PAX3: variants seen among roughly 807,000 people sequenced by gnomAD.
The protein encoded by PAX3 is paired box 3, also known as paired box protein Pax-3.
PAX3 carries 14 observed loss-of-function variants against 51.6 expected under a neutral mutation model. The observed-to-expected ratio is 0.27, with a 90% CI of 0.18 to 0.42. The LOEUF is 0.42. PAX3 is among the 10% of genes least tolerant of loss of function. The pLI is 1.00. For missense variants in PAX3, 540 were observed against 642.8 expected, an observed-to-expected ratio of 0.84 and a Z score of 1.73; for synonymous variants, 280 against 253.4, an observed-to-expected ratio of 1.11 and a Z score of -1.00.
At chr2:222,296,089 G>T (rs1695279404) in intron 2 of PAX3, among the ~76,000 whole-genome samples, 1 of 152,186 alleles carries the variant, frequency 6.6e-6, no homozygotes, top group Admixed American at 6.5e-5. Flanking sequence ...GGATATTTAT[G>T]CTAAAGTGAA....
At chr2:222,223,378 C>T (rs897106260) in intron 5 of PAX3, among the ~76,000 whole-genome samples, 2 of 152,142 alleles carry the variant, frequency 1.3e-5, no homozygotes, top group African/African-American at 2.4e-5. Context: ...TAATAAATTG[C>T]CACCTGGGGT....
At chr2:222,247,281 G>C (rs1489342734) in intron 4 of PAX3, among the ~76,000 whole-genome samples, 1 of 152,198 alleles carries the variant, frequency 6.6e-6, no homozygotes, top group Admixed American at 6.6e-5. Flanking sequence ...TCTGCACAGA[G>C]AGAGTGACAA....
At chr2:222,258,035 A>C (rs1693712700) in intron 4 of PAX3, among the ~76,000 whole-genome samples, 2 of 152,220 alleles carry the variant, frequency 1.3e-5, no homozygotes, top group Admixed American at 1.3e-4. Context: ...CCATTCTAAA[A>C]CTTAGTTTTC....
intron 4 of PAX3, among the ~76,000 whole-genome samples, chr2:222,252,423 G>A (rs191271491): frequency 5.1e-4 from 78 of 152,236 alleles, no homozygotes; most frequent in African/African-American, 1.8e-3. Context: ...GAAAAAACGA[G>A]GCTCAGAGAG....
In PAX3 at chr2:222,200,938, A is replaced by G; in HGVS notation, c.*470T>C. The G allele has an allele frequency of 1.8e-6, 1 of 569,916 alleles. No individual in the cohort carries two copies. The highest frequency in any genetic ancestry group is 2.1e-5 in the South Asian group (1 of 47,208). 35.3% of individuals were successfully genotyped at this position (569,916 alleles called of 1,614,324 possible). On this transcript the variant is annotated 3_prime_UTR_variant, in exon 9 of 9. Transcript: ENST00000392070. The stretch of plus-strand genomic sequence containing the variant: ...GAAATGAGCAGTTTTAAAGTTGTAG[A>G]AGTATCAGCATCGAACATCGACATG...
At chr2:222,207,897 C>T (rs1313208142) in intron 7 of PAX3, among the ~76,000 whole-genome samples, 1 of 151,544 alleles carries the variant, frequency 6.6e-6, no homozygotes, top group African/African-American at 2.4e-5. Context: ...TTTTAAAAAA[C>T]CATTGTGAAT....
chr2:222,252,562 T>G (rs1394266343), intron 4 of PAX3, among the ~76,000 whole-genome samples: 2 of 152,268 alleles, frequency 1.3e-5, no homozygotes, highest in East Asian at 3.9e-4. Flanking sequence ...AAGCCCATCA[T>G]CACTATCACC....
intron 4 of PAX3, among the ~76,000 whole-genome samples, chr2:222,265,347 T>C (rs1028197834): frequency 6.6e-6 from 1 of 152,190 alleles, no homozygotes; most frequent in Admixed American, 6.5e-5. Flanking sequence ...TGTTAGCCTC[T>C]TGTGTATCCT....
rs746742243 is a variant in PAX3, at chr2:222,232,056, A to T, written c.792+22T>A. On this transcript the variant is annotated intron_variant, in intron 5 of 8. Coordinates refer to ENST00000392070, the MANE Select transcript of PAX3 (RefSeq NM_181458.4). ...TTTCCTGTCTGGACTGAAGTAGGACACGGAGGTTTGGGCAACAGTACCTGT... is the reference window on the plus strand; with the variant it reads ...TTTCCTGTCTGGACTGAAGTAGGACTCGGAGGTTTGGGCAACAGTACCTGT... The T allele has an allele frequency of 8.1e-6, 13 of 1,608,876 alleles. No homozygotes were observed. The South Asian group carries it at 1.4e-4, about 18-fold the overall frequency.
chr2:222,221,019 A>T lies in PAX3; in HGVS notation c.958+203T>A, dbSNP rs567999664. On this transcript the variant is annotated intron_variant, in intron 6 of 8. Coordinates refer to ENST00000392070, the MANE Select transcript of PAX3 (RefSeq NM_181458.4). Reference sequence around the variant, plus strand: ...TAAAATACTGCAATTGAATTATATTACAGCACAGTTTATCTAGAGATATTC... The same window carrying T: ...TAAAATACTGCAATTGAATTATATTTCAGCACAGTTTATCTAGAGATATTC... Among the ~76,000 whole-genome samples the T allele has an allele frequency of 3.2e-3, 494 of 152,388 alleles. 8 individuals carry two copies. Among genetic ancestry groups the T allele is most frequent in the Non-Finnish European group, 4.0e-3 (272 of 68,038 alleles).
At chr2:222,261,092 C>T (rs1435070031) in intron 4 of PAX3, among the ~76,000 whole-genome samples, 1 of 152,162 alleles carries the variant, frequency 6.6e-6, no homozygotes, top group Admixed American at 6.5e-5. Flanking sequence ...CTATTCATCT[C>T]AATATACAGT....
At chr2:222,287,475 G>T (rs375195495) in intron 4 of PAX3, 2 of 152,324 alleles carry the variant, frequency 1.3e-5, no homozygotes, top group East Asian at 3.9e-4. Context: ...ACTAAGATCA[G>T]GCCCAACTTG....
chr2:222,279,861 T>C (rs1404772090), intron 4 of PAX3, among the ~76,000 whole-genome samples: 1 of 152,156 alleles, frequency 6.6e-6, no homozygotes, highest in Non-Finnish European at 1.5e-5. Flanking sequence ...TATTTTATAA[T>C]AAAGAAATGG....
At chr2:222,293,954 A>G (rs1695146320) in intron 4 of PAX3, 2 of 1,525,842 alleles carry the variant, frequency 1.3e-6, no homozygotes, top group African/African-American at 1.4e-5. Context: ...AAGATTTACA[A>G]AACAGAAAAA....
chr2:222,294,240 G>A lies in PAX3; in HGVS notation c.513C>T (p.Asp171=), dbSNP rs375232663. The change falls in exon 4 of 9, where the codon GAC becomes GAT. Residue 171 remains aspartate, a synonymous_variant. Coordinates refer to ENST00000392070, the MANE Select transcript of PAX3 (RefSeq NM_181458.4). ...TTTCCTCTGCCTCCTTCCTCTCCAA[G>A]TCGGCCTCCTCCTCTTCACCTTTCC... is the stretch of plus-strand genomic sequence containing the variant. ...KFGKGEEEEA[D]LERKEAEESE... is the part of the protein sequence containing the mutation. 2 of 1,614,230 alleles carry A rather than the reference G, an allele frequency of 1.2e-6. No individual in the cohort carries two copies. Among genetic ancestry groups the A allele is most frequent in the South Asian group, 1.1e-5 (1 of 91,086 alleles).
intron 4 of PAX3, among the ~76,000 whole-genome samples, chr2:222,255,587 T>G (rs1465445012): frequency 1.3e-5 from 2 of 152,144 alleles, no homozygotes; most frequent in Non-Finnish European, 2.9e-5. Flanking sequence ...TTCTTGGCAT[T>G]TTACATATAG....
chr2:222,222,315 T>TCC (rs1157011832), intron 5 of PAX3, among the ~76,000 whole-genome samples: 2 of 152,126 alleles, frequency 1.3e-5, no homozygotes, highest in Non-Finnish European at 2.9e-5. Context: ...GGGTGATTTT[T>TCC]CCACGGAGCA....
chr2:222,207,397 G>T (rs1302528386), intron 7 of PAX3, among the ~76,000 whole-genome samples: 1 of 152,152 alleles, frequency 6.6e-6, no homozygotes, highest in Admixed American at 6.6e-5. Flanking sequence ...AGGTATGTGT[G>T]GTGACCTTCT....
intron 7 of PAX3, among the ~76,000 whole-genome samples, chr2:222,206,803 C>A (rs1691528525): frequency 6.6e-6 from 1 of 152,120 alleles, no homozygotes; most frequent in South Asian, 2.1e-4. Flanking sequence ...TTGGCACAAG[C>A]ATTATGGTTT....
Sources: allele counts gnomAD v4.1 joint callset (sites outside exome capture counted in the v4.1 genomes callset), GRCh38; gene constraint gnomAD v4.1.1; transcripts MANE v1.5; gene names NCBI Gene and HGNC (gene_info 2026-07-23, HGNC 2026-07-21).